RASGRF2: variants seen among roughly 807,000 people sequenced by gnomAD.
RASGRF2 encodes ras-specific guanine nucleotide-releasing factor 2.
Under a neutral mutation model 151.0 loss-of-function variants are expected in RASGRF2, and 76 were observed. The observed-to-expected ratio is 0.50, with a 90% CI of 0.42 to 0.61. RASGRF2 has a LOEUF of 0.61. RASGRF2 is among the 20% of genes least tolerant of loss of function. The probability of loss-of-function intolerance (pLI) is 0.00; values close to 1 mark genes in which losing one functional copy is unlikely to be tolerated. For synonymous variants in RASGRF2, 504 were observed against 566.5 expected (o/e 0.89, Z 1.57); for missense variants, 1,148 against 1,564.6 (o/e 0.73, Z 4.49).
intron 1 of RASGRF2, among the ~76,000 whole-genome samples, chr5:81,035,843 C>T (rs935783747): frequency 6.6e-6 from 1 of 152,050 alleles, no homozygotes; most frequent in Non-Finnish European, 1.5e-5. Context: ...GAATAGGGGG[C>T]ATGGCAAATT....
chr5:81,125,996 G>A (rs75132341), intron 16 of RASGRF2, among the ~76,000 whole-genome samples: 2 of 152,238 alleles, frequency 1.3e-5, no homozygotes, highest in African/African-American at 4.8e-5. Context: ...AGAAGGTAGA[G>A]CTGTTTTATG....
At chr5:81,003,054 G>C (rs1749128436) in intron 1 of RASGRF2, among the ~76,000 whole-genome samples, 1 of 149,548 alleles carries the variant, frequency 6.7e-6, no homozygotes, top group Non-Finnish European at 1.5e-5. Context: ...ATATCACAAA[G>C]AGACTATTTT....
intron 1 of RASGRF2, among the ~76,000 whole-genome samples, chr5:81,025,676 G>T (rs1408495230): frequency 6.6e-6 from 1 of 152,208 alleles, no homozygotes; most frequent in Non-Finnish European, 1.5e-5. Context: ...GGAGGCAGCA[G>T]CTGAAACTGA....
rs560782811 is a variant in RASGRF2, at chr5:81,097,535, T to C, written c.1755+2543T>C. On this transcript the variant is annotated intron_variant, in intron 12 of 26. Transcript: ENST00000265080. Reference sequence around the variant, plus strand: ...TATACTATTTTATATTAGAAGGTAATAGGGCAAGGTAAGAAGGATTGGGCT... The same window carrying C: ...TATACTATTTTATATTAGAAGGTAACAGGGCAAGGTAAGAAGGATTGGGCT... 4.6e-5 allele frequency among the ~76,000 whole-genome samples: 7 copies of C among 152,216 alleles called. 1 individual carries two copies. Among genetic ancestry groups the C allele is most frequent in the Admixed American group, 4.6e-4 (7 of 15,296 alleles).
intron 1 of RASGRF2, among the ~76,000 whole-genome samples, chr5:80,991,639 A>G (rs568460368): frequency 1.3e-5 from 2 of 152,338 alleles, no homozygotes; most frequent in Admixed American, 1.3e-4. Context: ...GTTTGCTTTA[A>G]TATCAATGAG....
At position 81,093,099 on chromosome 5, in the gene RASGRF2, C is replaced by T. The variant is rs890205218; in HGVS notation, c.1551+138C>T. 1.4e-5 allele frequency: 12 copies of T among 871,448 alleles called. No homozygotes were observed. In the African/African-American group the frequency reaches 1.7e-4, roughly 12 times the overall value. The allele number at this position is 871,448 out of a possible 1,614,324, so 54.0% of individuals were successfully genotyped here. A position where few individuals can be genotyped will look rare whatever the true frequency, so the allele number is the denominator to read the frequency against. On this transcript the variant is annotated intron_variant, in intron 10 of 26. Coordinates refer to ENST00000265080, the MANE Select transcript of RASGRF2 (RefSeq NM_006909.3). ...ATTGCATAATGAGTGAGGTAATGTA[C>T]TGTTACCAACTCTGCCATTTAATTC... is the stretch of plus-strand genomic sequence containing the variant.
intron 18 of RASGRF2, among the ~76,000 whole-genome samples, chr5:81,191,403 A>G (rs1272964913): frequency 6.6e-6 from 1 of 152,116 alleles, no homozygotes; most frequent in South Asian, 2.1e-4. Context: ...TGCACCCACC[A>G]GCTTTCTTTG....
At chr5:81,219,166 C>T (rs1330175888) in intron 25 of RASGRF2, among the ~76,000 whole-genome samples, 1 of 151,846 alleles carries the variant, frequency 6.6e-6, no homozygotes, top group Non-Finnish European at 1.5e-5. Flanking sequence ...GCAACCTCCA[C>T]CTTCCGGGTT....
intron 17 of RASGRF2, among the ~76,000 whole-genome samples, chr5:81,164,975 T>C (rs551665337): frequency 3.3e-4 from 50 of 152,218 alleles, no homozygotes; most frequent in Non-Finnish European, 6.0e-4. Context: ...AGAAATCGAC[T>C]TGTTAACACT....
chr5:81,211,299 T>C (rs1755626358), intron 22 of RASGRF2, among the ~76,000 whole-genome samples: 1 of 152,144 alleles, frequency 6.6e-6, no homozygotes, highest in Non-Finnish European at 1.5e-5. Context: ...TACCTGTTTA[T>C]GTATCTGCGA....
At chr5:81,051,272 G>A (rs942657674) in intron 2 of RASGRF2, among the ~76,000 whole-genome samples, 4 of 152,042 alleles carry the variant, frequency 2.6e-5, no homozygotes, top group African/African-American at 9.7e-5. Context: ...TGCAATCAAA[G>A]TATATTACTT....
chr5:81,207,085 G>T (rs1193699101), intron 20 of RASGRF2, among the ~76,000 whole-genome samples, 161 bp from the exon 21 acceptor site: 1 of 152,218 alleles, frequency 6.6e-6, no homozygotes, highest in Non-Finnish European at 1.5e-5. Context: ...AGATATTCAT[G>T]TTGGCTTTGA....
intron 17 of RASGRF2, 25 bp from the exon 18 acceptor site, chr5:81,180,150 C>A: frequency 7.1e-7 from 1 of 1,403,436 alleles, no homozygotes; most frequent in Non-Finnish European, 1.0e-6. Flanking sequence ...AACTGCAACA[C>A]GTGTGTGTTT....
intron 15 of RASGRF2, 133 bp from the exon 16 acceptor site, chr5:81,123,509 A>T: frequency 8.9e-7 from 1 of 1,119,186 alleles, no homozygotes; most frequent in Non-Finnish European, 1.3e-6. Flanking sequence ...TTAGTACTTG[A>T]CTTGATTTCA....
intron 15 of RASGRF2, among the ~76,000 whole-genome samples, chr5:81,114,633 TCTCCA>T (rs1753100385): frequency 6.6e-6 from 1 of 152,196 alleles, no homozygotes; most frequent in South Asian, 2.1e-4. Context: ...CCTGTCCCCC[TCTCCA>T]GCCCCTGCTC....
rs372227715 is a variant in RASGRF2, at chr5:81,113,881, G to A, written c.2431G>A (p.Val811Met). The stretch of plus-strand genomic sequence containing the variant: ...AGAAGAGAATGTCGATAACCCACGC[G>A]TGGATCTGTGTAACAAGCTAAAACG... ...TVEENVDNPR[V>M]DLCNKLKRSI... The change falls in exon 15 of 27, where the codon GTG becomes ATG. Residue 811 changes from valine to methionine, a missense_variant. Val to Met is a conservative substitution (Grantham distance 21, BLOSUM62 1). Around this residue, in one of 5 missense-constraint regions of RASGRF2, gnomAD observed 646 missense variants for 807.4 expected, o/e 0.80. Coordinates refer to ENST00000265080, the MANE Select transcript of RASGRF2 (RefSeq NM_006909.3). 3.1e-6 allele frequency: 5 copies of A among 1,614,054 alleles called. No individual in the cohort carries two copies. Among genetic ancestry groups the A allele is most frequent in the Admixed American group, 1.7e-5 (1 of 60,010 alleles).
chr5:81,005,900 C>T (rs530374677), intron 1 of RASGRF2, among the ~76,000 whole-genome samples: 2 of 152,242 alleles, frequency 1.3e-5, no homozygotes, highest in South Asian at 4.1e-4. Context: ...AGTTCCAGGT[C>T]AGCGCCTGAC....
intron 12 of RASGRF2, among the ~76,000 whole-genome samples, chr5:81,102,838 C>T (rs1168978756): frequency 2.0e-5 from 3 of 151,986 alleles, no homozygotes; most frequent in South Asian, 2.1e-4. Flanking sequence ...CAGCCCGAAA[C>T]ACAAAGCCAC....
At chr5:81,079,721 CCTT>C (rs897236197) in intron 5 of RASGRF2, among the ~76,000 whole-genome samples, 4 of 152,084 alleles carry the variant, frequency 2.6e-5, no homozygotes, top group African/African-American at 7.2e-5. Flanking sequence ...CAACCTCTCT[CCTT>C]CTGTCAAAAC....
Sources: gnomAD v4.1 joint callset for allele counts (sites outside exome capture counted in the v4.1 genomes callset) on GRCh38, gnomAD v4.1.1 for gene constraint, gnomAD v4.1.1 regional missense constraint, MANE v1.5 for transcripts, NCBI Gene and HGNC (gene_info 2026-07-23, HGNC 2026-07-21) for gene names.